The following BCL2L11 variants were observed in gnomAD, a reference collection of about 807,000 sequenced individuals.
The protein encoded by BCL2L11 is BCL2 like 11.
In BCL2L11, 15 loss-of-function variants were observed where a neutral mutation model predicts 20.6. The observed-to-expected ratio is 0.73, with a 90% CI of 0.49 to 1.12. The LOEUF is 1.12. Among genes scored for constraint, BCL2L11 ranks in the 50% most tolerant of loss-of-function variants. BCL2L11 has a pLI of 0.00. For synonymous variants in BCL2L11, 108 were observed against 92.8 expected (o/e 1.16, Z -0.94); for missense variants, 292 against 260.9 (o/e 1.12, Z -0.82).
In BCL2L11 at chr2:111,154,152, A is replaced by G. The variant is rs532729860; in HGVS notation, c.498+4005A>G. On this transcript the variant is annotated intron_variant, in intron 3 of 3. Coordinates refer to ENST00000393256, the MANE Select transcript of BCL2L11 (RefSeq NM_138621.5). The stretch of plus-strand genomic sequence containing the variant: ...TTTTCCCTCTTTGCACACATGTACA[A>G]TTTATTTCAGAAAAAACTACAGACA... 2.8e-4 allele frequency among the ~76,000 whole-genome samples: 43 copies of G among 152,308 alleles called. No homozygotes were observed. In the South Asian group the frequency reaches 6.8e-3, roughly 24 times the overall value.
intron 2 of BCL2L11, chr2:111,145,949 TAAAG>T (rs2076454100): frequency 1.1e-6 from 1 of 912,510 alleles, no homozygotes; most frequent in Admixed American, 6.7e-5. Flanking sequence ...TTGTAACAAG[TAAAG>T]AGAAAGAAAA....
chr2:111,124,672 A>T (rs1246663584), intron 2 of BCL2L11, among the ~76,000 whole-genome samples: 1 of 152,258 alleles, frequency 6.6e-6, no homozygotes, highest in Non-Finnish European at 1.5e-5. Flanking sequence ...GTCTGTCTTC[A>T]TTAAGCTAAA....
intron 2 of BCL2L11, among the ~76,000 whole-genome samples, chr2:111,136,655 C>A (rs1046537170): frequency 6.6e-6 from 1 of 152,128 alleles, no homozygotes; most frequent in African/African-American, 2.4e-5. Flanking sequence ...TTAGACGGCA[C>A]CTTCGAGCTG....
intron 3 of BCL2L11, among the ~76,000 whole-genome samples, chr2:111,151,578 T>A (rs369544871): frequency 6.6e-6 from 1 of 152,202 alleles, no homozygotes; most frequent in Admixed American, 6.5e-5. Context: ...TACCTTTGAT[T>A]ATTATTTTTC....
intron 3 of BCL2L11, among the ~76,000 whole-genome samples, chr2:111,150,517 A>AT (rs2077122785): frequency 6.6e-6 from 1 of 151,718 alleles, no homozygotes. Context: ...GTTAAAGGTA[A>AT]TTTTTAAACA....
intron 1 of BCL2L11, chr2:111,122,675 C>T: frequency 2.0e-6 from 2 of 982,790 alleles, no homozygotes; most frequent in Non-Finnish European, 1.2e-6. Context: ...CGGCTGCGGC[C>T]GGGGCAGCGC....
At chr2:111,155,021 A>G (rs1043469976) in intron 3 of BCL2L11, among the ~76,000 whole-genome samples, 1 of 152,206 alleles carries the variant, frequency 6.6e-6, no homozygotes, top group Non-Finnish European at 1.5e-5. Flanking sequence ...CCAGAGGGCT[A>G]CTGACCCTCA....
chr2:111,141,949 C>T (rs1448087984), intron 2 of BCL2L11, among the ~76,000 whole-genome samples: 2 of 152,098 alleles, frequency 1.3e-5, no homozygotes, highest in Non-Finnish European at 1.5e-5. Flanking sequence ...GATGTGCCCA[C>T]CTCAGCCTCC....
intron 2 of BCL2L11, among the ~76,000 whole-genome samples, chr2:111,124,662 G>A (rs1009297606): frequency 4.6e-5 from 7 of 152,144 alleles, no homozygotes; most frequent in Non-Finnish European, 7.3e-5. Flanking sequence ...TAGCTTTCAG[G>A]TCTGTCTTCA....
intron 2 of BCL2L11, among the ~76,000 whole-genome samples, chr2:111,147,393 C>T (rs1041447122): frequency 5.3e-5 from 8 of 151,174 alleles, no homozygotes; most frequent in Admixed American, 2.0e-4. Flanking sequence ...CACACACACC[C>T]GCCATTTCTC....
chr2:111,163,822 T>C (rs1268375843), intron 3 of BCL2L11, among the ~76,000 whole-genome samples: 1 of 152,168 alleles, frequency 6.6e-6, no homozygotes, highest in African/African-American at 2.4e-5. Flanking sequence ...GATAGTTGCT[T>C]TACATCCTCT....
chr2:111,134,877 T>C (rs1181498431), intron 2 of BCL2L11, among the ~76,000 whole-genome samples: 1 of 152,230 alleles, frequency 6.6e-6, no homozygotes, highest in Non-Finnish European at 1.5e-5. Flanking sequence ...TCCCTTGTCA[T>C]CTGAATTGGT....
chr2:111,157,646 C>T (rs6730446), intron 3 of BCL2L11, among the ~76,000 whole-genome samples: 3,971 of 152,288 alleles, frequency 0.026, 168 homozygotes, highest in African/African-American at 0.089. Context: ...AAGTGGAGGG[C>T]TGTGCTGTGC....
At chr2:111,149,445 C>T (rs1355683995) in intron 2 of BCL2L11, among the ~76,000 whole-genome samples, 1 of 152,184 alleles carries the variant, frequency 6.6e-6, no homozygotes, top group African/African-American at 2.4e-5. Flanking sequence ...AATATTGAGA[C>T]AAAACATGCA....
chr2:111,142,752 T>C (rs1017885286), intron 2 of BCL2L11, among the ~76,000 whole-genome samples: 1 of 152,200 alleles, frequency 6.6e-6, no homozygotes, highest in Non-Finnish European at 1.5e-5. Flanking sequence ...CTGCTACTGG[T>C]TTTAAATTTC....
At chr2:111,147,327 A>ATCTCTCTC (rs367737247) in intron 2 of BCL2L11, among the ~76,000 whole-genome samples, 5,986 of 125,288 alleles carry the variant, frequency 0.048, 171 homozygotes, top group East Asian at 0.084. Context: ...AGCCTCCTGT[A>ATCTCTCTC]TCTCTCTCTC....
rs1198937313 is a variant in BCL2L11 at position 111,151,921 on chromosome 2, T to G, written c.498+1774T>G. ...AATTTTTTTGGAACTTTGGTTGGTT[T>G]TATAACTTGTCACTGAAGTAACCAT... is the stretch of plus-strand genomic sequence containing the variant. On this transcript the variant is annotated intron_variant, in intron 3 of 3. Coordinates refer to ENST00000393256, the MANE Select transcript of BCL2L11 (RefSeq NM_138621.5). 7 of 1,495,984 alleles carry G rather than the reference T, an allele frequency of 4.7e-6. No individual in the cohort carries two copies. In the Admixed American group the frequency reaches 1.2e-4, roughly 25 times the overall value. The allele number at this position is 1,495,984 out of a possible 1,614,324, so 92.7% of individuals were successfully genotyped here. A position where few individuals can be genotyped will look rare whatever the true frequency, so the allele number is the denominator to read the frequency against.
chr2:111,122,445 C>G (rs947532075), intron 1 of BCL2L11, among the ~76,000 whole-genome samples: 2 of 152,204 alleles, frequency 1.3e-5, no homozygotes, highest in African/African-American at 4.8e-5. Context: ...GAGCAGCGCT[C>G]GGAGGCGAGT....
At chr2:111,123,690 T>C (rs2150139328) in intron 1 of BCL2L11, 43 bp from the exon 2 acceptor site, 1 of 1,378,596 alleles carries the variant, frequency 7.3e-7, no homozygotes, top group South Asian at 2.2e-5. Context: ...TCATCGATTT[T>C]TTTTTTTGCT....
Sources: gnomAD v4.1 joint callset for allele counts (sites outside exome capture counted in the v4.1 genomes callset) on GRCh38, gnomAD v4.1.1 for gene constraint, MANE v1.5 for transcripts, NCBI Gene and HGNC (gene_info 2026-07-23, HGNC 2026-07-21) for gene names.